The following PARD3B variants were observed in gnomAD, a reference collection of about 807,000 sequenced individuals.
PARD3B encodes par-3 family cell polarity regulator beta.
PARD3B carries 103 observed loss-of-function variants against 130.2 expected under a neutral mutation model. The ratio of observed to expected loss-of-function variants is 0.79; its 90% CI spans 0.67 to 0.93. PARD3B has a LOEUF of 0.93. Ranked by LOEUF, PARD3B falls within the 40% of genes least tolerant of loss-of-function variation. The probability of loss-of-function intolerance (pLI) is 0.00; values close to 1 mark genes in which losing one functional copy is unlikely to be tolerated. For synonymous variants in PARD3B, 583 were observed against 553.2 expected, an observed-to-expected ratio of 1.05 and a Z score of -0.76; for missense variants, 1,609 against 1,499.2, an observed-to-expected ratio of 1.07 and a Z score of -1.21.
At chr2:204,820,777 C>A (rs565829270) in intron 2 of PARD3B, among the ~76,000 whole-genome samples, 1 of 151,782 alleles carries the variant, frequency 6.6e-6, no homozygotes, top group Non-Finnish European at 1.5e-5. Flanking sequence ...GATGGTGCCA[C>A]TGCACTCCAG....
Position 205,007,342 on chromosome 2 carries a change from C to T in PARD3B, c.395-40239C>T, listed in dbSNP as rs571091578. 4.6e-5 allele frequency among the ~76,000 whole-genome samples: 7 copies of T among 152,254 alleles called. No homozygotes were observed. The East Asian group carries it at 9.6e-4, about 21-fold the overall frequency. On this transcript the variant is annotated intron_variant, in intron 3 of 22. Coordinates refer to ENST00000406610, the MANE Select transcript of PARD3B (RefSeq NM_001302769.2). ...ATAGGAGTGTGAAAATGGACTAATA[C>T]GCCATCTTGAGTTTATTTTTGGATA...
rs1249498465 is a variant in PARD3B at position 204,689,930 on chromosome 2, C to T, written c.222+3648C>T. ...CATGAATTTTGCTTTTACGTAGTCA[C>T]CACCATTGCTAAGAAAAGGTTGGTA... On this transcript the variant is annotated intron_variant, in intron 2 of 22. Coordinates refer to ENST00000406610, the MANE Select transcript of PARD3B (RefSeq NM_001302769.2). This position sits in a 1 kb window ranked among gnomAD's most constrained non-coding sequence, Gnocchi z 5.2. Among the ~76,000 whole-genome samples the T allele has an allele frequency of 2.0e-5, 3 of 152,130 alleles. No individual in the cohort carries two copies.
chr2:204,909,354 C>CA (rs1461508533), intron 2 of PARD3B, among the ~76,000 whole-genome samples: 2 of 151,796 alleles, frequency 1.3e-5, no homozygotes, highest in African/African-American at 4.8e-5. Flanking sequence ...GTTAATGGTT[C>CA]AAAAAAAGGC....
At chr2:205,254,353 G>T (rs1032480219) in intron 16 of PARD3B, among the ~76,000 whole-genome samples, 2 of 151,956 alleles carry the variant, frequency 1.3e-5, no homozygotes, top group African/African-American at 4.8e-5. Flanking sequence ...TTACATAATG[G>T]ACCTCCCAGT....
intron 2 of PARD3B, among the ~76,000 whole-genome samples, chr2:204,867,867 T>C (rs988736142): frequency 5.3e-5 from 8 of 152,232 alleles, no homozygotes; most frequent in African/African-American, 1.7e-4. Context: ...ACTGTTGATA[T>C]GAGCCAAATG....
rs185313628 is a variant in PARD3B at position 204,611,063 on chromosome 2, G to A, written c.120+64944G>A. Among the ~76,000 whole-genome samples, 6 of 152,236 alleles carry A rather than the reference G, an allele frequency of 3.9e-5. No homozygotes were observed. The East Asian group carries it at 1.2e-3, about 29-fold the overall frequency. ...GCAGAATAATTCTATATCCAGGTCAGTGAGAGTTTTCTTGTTCATACTTTG... is the reference window on the plus strand; with the variant it reads ...GCAGAATAATTCTATATCCAGGTCAATGAGAGTTTTCTTGTTCATACTTTG... On this transcript the variant is annotated intron_variant, in intron 1 of 22. Coordinates refer to ENST00000406610, the MANE Select transcript of PARD3B (RefSeq NM_001302769.2).
intron 2 of PARD3B, among the ~76,000 whole-genome samples, chr2:204,960,249 C>G (rs978189650): frequency 2.6e-5 from 4 of 152,162 alleles, no homozygotes; most frequent in African/African-American, 9.7e-5. Context: ...TGGCAGATAG[C>G]TGGGTGAGGG....
Position 204,623,060 on chromosome 2 carries a change from A to G in PARD3B, c.121-63121A>G, listed in dbSNP as rs2034360455. On this transcript the variant is annotated intron_variant, in intron 1 of 22. Transcript: ENST00000406610. This position sits in a 1 kb window ranked among gnomAD's most constrained non-coding sequence, Gnocchi z 4.5. ...ATTGGATCTTGAATTCTGAATTACT[A>G]GAATAAAGATTAGTGAGCATTCTTT... is the stretch of plus-strand genomic sequence containing the variant. Among the ~76,000 whole-genome samples the G allele has an allele frequency of 6.6e-6, 1 of 152,144 alleles. No homozygotes were observed. Among genetic ancestry groups the G allele is most frequent in the Non-Finnish European group, 1.5e-5 (1 of 68,012 alleles).
chr2:205,313,900 G>T lies in PARD3B; in HGVS notation c.2630+12199G>T, dbSNP rs2042473356. On this transcript the variant is annotated intron_variant, in intron 18 of 22. Transcript: ENST00000406610. ...TTCATTAGCATTTGAGGTTAAATAT[G>T]CTTATTTAAGATGCTGGATTAATAA... Among the ~76,000 whole-genome samples, 2 of 152,146 alleles carry T rather than the reference G, an allele frequency of 1.3e-5. 1 individual carries two copies. Among genetic ancestry groups the T allele is most frequent in the Non-Finnish European group, 2.9e-5 (2 of 68,026 alleles).
At chr2:205,123,875 C>T (rs2031064187) in intron 8 of PARD3B, among the ~76,000 whole-genome samples, 1 of 152,088 alleles carries the variant, frequency 6.6e-6, no homozygotes, top group Admixed American at 6.6e-5. Context: ...CAACAAGATG[C>T]TTGCTGACCA....
chr2:205,442,290 C>CTTTTT lies in PARD3B; in HGVS notation c.3044+1640_3044+1644dup, dbSNP rs71410814. On this transcript the variant is annotated intron_variant, in intron 20 of 22. Transcript: ENST00000406610. ...GGTAAGCCACAAGGAACAGGTTTTCCTTTTTTTTTTTTTTTTTTTTTTTTT... is the reference window on the plus strand; with the variant it reads ...GGTAAGCCACAAGGAACAGGTTTTCCTTTTTTTTTTTTTTTTTTTTTTTTTTTTTT... Among the ~76,000 whole-genome samples, 32 of 105,988 alleles carry CTTTTT rather than the reference C, an allele frequency of 3.0e-4. 1 individual carries two copies. Among genetic ancestry groups the CTTTTT allele is most frequent in the African/African-American group, 7.6e-4 (18 of 23,570 alleles). 69.5% of individuals were successfully genotyped at this position (105,988 alleles called of 152,430 possible).
chr2:205,237,031 G>T (rs888851193), intron 15 of PARD3B, among the ~76,000 whole-genome samples: 1 of 152,182 alleles, frequency 6.6e-6, no homozygotes, highest in South Asian at 2.1e-4. Flanking sequence ...GTGCTTCAAA[G>T]ATAAAATAAT....
At chr2:204,554,493 CATG>C (rs776419126) in intron 1 of PARD3B, among the ~76,000 whole-genome samples, 1 of 152,064 alleles carries the variant, frequency 6.6e-6, no homozygotes, top group Non-Finnish European at 1.5e-5. Context: ...GTTTTTCTCT[CATG>C]ATCCACATAC....
chr2:204,750,414 T>C (rs1214606790), intron 2 of PARD3B, among the ~76,000 whole-genome samples: 13 of 152,032 alleles, frequency 8.6e-5, no homozygotes, highest in Admixed American at 7.2e-4. Flanking sequence ...CAAAACCCCA[T>C]CTATACTAAA....
chr2:204,773,697 A>T (rs571343566), intron 2 of PARD3B, among the ~76,000 whole-genome samples: 5 of 152,064 alleles, frequency 3.3e-5, no homozygotes, highest in Admixed American at 3.3e-4. Context: ...TATAATCTCT[A>T]CTATTGCCTT....
intron 2 of PARD3B, among the ~76,000 whole-genome samples, chr2:204,692,958 G>A (rs1398684645): frequency 6.6e-6 from 1 of 151,976 alleles, no homozygotes; most frequent in Admixed American, 6.6e-5. Context: ...TAGTTCCTGA[G>A]TCCATTTCTG....
chr2:205,010,313 G>T (rs1446258373), intron 3 of PARD3B, among the ~76,000 whole-genome samples: 9 of 152,100 alleles, frequency 5.9e-5, no homozygotes, highest in Non-Finnish European at 1.2e-4. Flanking sequence ...TTTCCCTGTA[G>T]TCATCCCTCC....
At chr2:204,648,487 T>C (rs2035349161) in intron 1 of PARD3B, among the ~76,000 whole-genome samples, 1 of 146,298 alleles carries the variant, frequency 6.8e-6, no homozygotes, top group Non-Finnish European at 1.5e-5. Context: ...TTCTCTTGGG[T>C]AAATACTTAG....
At chr2:204,811,932 A>C (rs2042975634) in intron 2 of PARD3B, among the ~76,000 whole-genome samples, 3 of 152,138 alleles carry the variant, frequency 2.0e-5, no homozygotes, top group Non-Finnish European at 4.4e-5. Flanking sequence ...GTTTTATTTA[A>C]GTACTTTTTT....
Sources: allele counts gnomAD v4.1 joint callset (sites outside exome capture counted in the v4.1 genomes callset), GRCh38; gene constraint gnomAD v4.1.1; non-coding constraint Gnocchi (gnomAD v3.1); transcripts MANE v1.5; gene names NCBI Gene and HGNC (gene_info 2026-07-23, HGNC 2026-07-21).